The following DLC1 variants were observed in gnomAD, a reference collection of about 807,000 sequenced individuals.
The protein encoded by DLC1 is rho GTPase-activating protein 7.
A neutral mutation model predicts 140.3 loss-of-function variants in DLC1; 54 were observed. The ratio of observed to expected loss-of-function variants is 0.38; its 90% CI spans 0.31 to 0.48. The LOEUF is 0.48. DLC1 is among the 20% of genes least tolerant of loss of function. The pLI is 0.96. For synonymous variants in DLC1, 986 were observed against 728.1 expected (o/e 1.35, Z -5.70); for missense variants, 2,536 against 1,907.0 (o/e 1.33, Z -6.14).
chr8:13,160,423 G>C (rs1824601699), intron 5 of DLC1: 1 of 152,222 alleles, frequency 6.6e-6, no homozygotes, highest in Admixed American at 6.5e-5. Context: ...ACCTGTTCCA[G>C]CTTGATTTAA....
intron 5 of DLC1, among the ~76,000 whole-genome samples, chr8:13,192,486 A>C (rs541371085): frequency 1.3e-5 from 2 of 152,284 alleles, no homozygotes; most frequent in African/African-American, 4.8e-5. Context: ...ACATGCGTAC[A>C]TAGAAATGTT....
At chr8:13,436,531 G>A (rs959320750) in intron 2 of DLC1, among the ~76,000 whole-genome samples, 2 of 151,952 alleles carry the variant, frequency 1.3e-5, no homozygotes, top group African/African-American at 4.8e-5. Context: ...TTTTTAAAAT[G>A]TCATTGTCCG....
chr8:13,567,588 T>TGTTA (rs1198197271), intron 1 of DLC1: 1 of 1,551,750 alleles, frequency 6.4e-7, no homozygotes, highest in Non-Finnish European at 8.7e-7. Context: ...CTTATCAGTG[T>TGTTA]CCCTATTGTA....
chr8:13,425,324 A>G (rs749339812), intron 2 of DLC1, among the ~76,000 whole-genome samples: 1 of 152,180 alleles, frequency 6.6e-6, no homozygotes, highest in Non-Finnish European at 1.5e-5. Flanking sequence ...GCATATCAAT[A>G]TTGATGGAGC....
intron 5 of DLC1, among the ~76,000 whole-genome samples, chr8:13,250,961 T>C (rs1355760706): frequency 6.6e-6 from 1 of 152,198 alleles, no homozygotes; most frequent in Non-Finnish European, 1.5e-5. Context: ...TGTGTAAGTC[T>C]ACTGGGGCTG....
chr8:13,184,907 C>G (rs2116993869), intron 5 of DLC1, among the ~76,000 whole-genome samples: 1 of 152,238 alleles, frequency 6.6e-6, no homozygotes, highest in East Asian at 1.9e-4. Context: ...GTGTTAAAGT[C>G]TCTCATTGTT....
intron 5 of DLC1, among the ~76,000 whole-genome samples, chr8:13,183,648 G>T (rs1339672321): frequency 1.3e-5 from 2 of 152,132 alleles, no homozygotes; most frequent in African/African-American, 4.8e-5. Flanking sequence ...AACCAGCCTT[G>T]CATTCCAGGG....
At chr8:13,548,229 T>C (rs1803719239) in intron 1 of DLC1, among the ~76,000 whole-genome samples, 1 of 151,734 alleles carries the variant, frequency 6.6e-6, no homozygotes, top group Non-Finnish European at 1.5e-5. Context: ...ATCCCACGCC[T>C]ACCCGACCCT....
intron 2 of DLC1, among the ~76,000 whole-genome samples, chr8:13,492,512 C>G (rs1445994599): frequency 6.8e-6 from 1 of 146,298 alleles, no homozygotes; most frequent in Non-Finnish European, 1.5e-5. Flanking sequence ...CTCTCTCTCT[C>G]TCTCTGTTTT....
rs1554577907 is a variant in DLC1 at position 13,120,356 on chromosome 8, A to AATATATATATATATATAT, written c.1349-4700_1349-4699insATATATATATATATATAT. 1.6e-3 allele frequency among the ~76,000 whole-genome samples: 100 copies of AATATATATATATATATAT among 60,964 alleles called. 2 individuals are homozygous for AATATATATATATATATAT. Among genetic ancestry groups the AATATATATATATATATAT allele is most frequent in the Admixed American group, 2.9e-3 (11 of 3,746 alleles). The allele number at this position is 60,964 out of a possible 152,430, so 40.0% of individuals were successfully genotyped here. On this transcript the variant is annotated intron_variant, in intron 5 of 17. Transcript: ENST00000276297. ...AGACTCCGTCGCAAAAAAAAAAAAAAATATATATATATATAAAATGTATAT... is the reference window on the plus strand; with the variant it reads ...AGACTCCGTCGCAAAAAAAAAAAAAAATATATATATATATATATATATATATATATATAAAATGTATAT...
intron 2 of DLC1, among the ~76,000 whole-genome samples, chr8:13,426,816 A>G (rs1007851897): frequency 6.6e-6 from 1 of 151,988 alleles, no homozygotes; most frequent in African/African-American, 2.4e-5. Context: ...AAAATTGCCT[A>G]CATTTGTCTC....
intron 2 of DLC1, among the ~76,000 whole-genome samples, chr8:13,477,409 G>A (rs545032754): frequency 3.3e-5 from 5 of 152,306 alleles, no homozygotes; most frequent in African/African-American, 9.6e-5. Flanking sequence ...TGGGAGACCA[G>A]GAGCACGGAT....
intron 4 of DLC1, among the ~76,000 whole-genome samples, chr8:13,358,860 T>C (rs954719516): frequency 6.6e-6 from 1 of 152,214 alleles, no homozygotes; most frequent in Non-Finnish European, 1.5e-5. Context: ...ACATAGCATG[T>C]TTGTGAATGC....
At chr8:13,424,811 G>C (rs1838483282) in intron 2 of DLC1, among the ~76,000 whole-genome samples, 1 of 152,044 alleles carries the variant, frequency 6.6e-6, no homozygotes, top group Non-Finnish European at 1.5e-5. Flanking sequence ...CTGACCTCGA[G>C]ATCTGCCTGC....
At chr8:13,367,539 C>T (rs1015437177) in intron 4 of DLC1, among the ~76,000 whole-genome samples, 11 of 152,144 alleles carry the variant, frequency 7.2e-5, no homozygotes, top group African/African-American at 2.7e-4. Context: ...ATTACAACAA[C>T]AACAACAAAA....
At chr8:13,305,379 G>A (rs2117520253) in intron 4 of DLC1, 77 bp from the exon 5 acceptor site, 2 of 1,430,144 alleles carry the variant, frequency 1.4e-6, no homozygotes, top group Non-Finnish European at 9.4e-7. Context: ...AAAACGAAGT[G>A]TAATTAATGA....
At chr8:13,452,548 T>A (rs996249538) in intron 2 of DLC1, among the ~76,000 whole-genome samples, 4 of 152,216 alleles carry the variant, frequency 2.6e-5, no homozygotes, top group African/African-American at 9.6e-5. Flanking sequence ...ATCATAGAAC[T>A]ATCAGAAGAA....
At chr8:13,599,096 T>C (rs1805778337) in intron 1 of DLC1, among the ~76,000 whole-genome samples, 1 of 151,778 alleles carries the variant, frequency 6.6e-6, no homozygotes, top group Non-Finnish European at 1.5e-5. Context: ...TTATGAATTA[T>C]AAAACAAACT....
chr8:13,334,147 A>G (rs564372519), intron 4 of DLC1, among the ~76,000 whole-genome samples: 1 of 152,322 alleles, frequency 6.6e-6, no homozygotes, highest in South Asian at 2.1e-4. Flanking sequence ...GTCAGCTCTC[A>G]TGGTGGTGAC....
Sources: allele counts gnomAD v4.1 joint callset (sites outside exome capture counted in the v4.1 genomes callset), GRCh38; gene constraint gnomAD v4.1.1; transcripts MANE v1.5; gene names NCBI Gene and HGNC (gene_info 2026-07-23, HGNC 2026-07-21).